The following FAM168A variants were observed in gnomAD, a reference collection of about 807,000 sequenced individuals.
FAM168A encodes the protein family with sequence similarity 168 member A.
A neutral mutation model predicts 28.5 loss-of-function variants in FAM168A; 3 were observed. The observed-to-expected ratio is 0.11, with a 90% CI of 0.05 to 0.27. The LOEUF (loss-of-function observed/expected upper bound fraction) is 0.27, where lower values mean the gene tolerates loss of function less well. FAM168A is among the 10% of genes least tolerant of loss of function. FAM168A has a pLI of 1.00. For synonymous variants in FAM168A, 122 were observed against 124.2 expected (o/e 0.98, Z 0.12); for missense variants, 222 against 311.5 (o/e 0.71, Z 2.16).
At chr11:73,552,518 G>A (rs1365568730) in intron 1 of FAM168A, among the ~76,000 whole-genome samples, 2 of 152,200 alleles carry the variant, frequency 1.3e-5, no homozygotes, top group Non-Finnish European at 1.5e-5. Flanking sequence ...AGTTGTGGTG[G>A]TTGCTACTAT....
intron 2 of FAM168A, among the ~76,000 whole-genome samples, chr11:73,435,038 G>T (rs1333833948): frequency 6.6e-6 from 1 of 152,222 alleles, no homozygotes; most frequent in African/African-American, 2.4e-5. Flanking sequence ...GACTGACAAT[G>T]AAAAGCTGGT....
chr11:73,478,367 G>A lies in FAM168A; in HGVS notation c.-18-9875C>T, dbSNP rs527254087. On this transcript the variant is annotated intron_variant, in intron 1 of 7. Coordinates refer to ENST00000356467, the MANE Select transcript of FAM168A (RefSeq NM_015159.3). ...CTAAGTGGAAGAAGCCAGGGCAAAA[G>A]AACACATATTGCATGATTCCATTTA... 3.3e-5 allele frequency among the ~76,000 whole-genome samples: 5 copies of A among 152,254 alleles called. No homozygotes were observed. In the South Asian group the frequency reaches 6.2e-4, roughly 19 times the overall value.
chr11:73,408,895 C>G (rs1200075496), intron 6 of FAM168A, among the ~76,000 whole-genome samples: 1 of 151,978 alleles, frequency 6.6e-6, no homozygotes, highest in Non-Finnish European at 1.5e-5. Flanking sequence ...AGAACATTGC[C>G]CCTGTGTCTT....
Position 73,459,321 on chromosome 11 carries a change from T to C in FAM168A, c.70+9084A>G, listed in dbSNP as rs538583405. ...TAACACAGTGAAACCCCGTCTCTAC[T>C]GAAAATACAAAAAAATTAGCCGGGC... On this transcript the variant is annotated intron_variant, in intron 2 of 7. Coordinates refer to ENST00000356467, the MANE Select transcript of FAM168A (RefSeq NM_015159.3). Among the ~76,000 whole-genome samples the C allele has an allele frequency of 3.7e-4, 56 of 151,974 alleles. 1 individual carries two copies. In the South Asian group the frequency reaches 0.012, roughly 32 times the overall value.
chr11:73,493,272 G>T (rs574566636), intron 1 of FAM168A, among the ~76,000 whole-genome samples: 2 of 152,158 alleles, frequency 1.3e-5, no homozygotes, highest in South Asian at 4.1e-4. Context: ...TAAAAGAAAG[G>T]CAAGATAACA....
chr11:73,530,422 TA>T (rs1943502640), intron 1 of FAM168A, among the ~76,000 whole-genome samples: 1 of 152,154 alleles, frequency 6.6e-6, no homozygotes, highest in South Asian at 2.1e-4. Flanking sequence ...AAGTAGCAAG[TA>T]GATCAGTGTG....
chr11:73,470,178 G>A (rs543934710), intron 1 of FAM168A, among the ~76,000 whole-genome samples: 1 of 152,184 alleles, frequency 6.6e-6, no homozygotes, highest in Non-Finnish European at 1.5e-5. Flanking sequence ...CCAAAGTGCT[G>A]GGATTACAGT....
chr11:73,580,201 T>C (rs961201485), intron 1 of FAM168A: 4 of 473,454 alleles, frequency 8.4e-6, no homozygotes, highest in African/African-American at 8.0e-5. Context: ...TGTGCTCCGC[T>C]GCATCCCACG....
chr11:73,539,662 C>T (rs1943629706), intron 1 of FAM168A, among the ~76,000 whole-genome samples: 1 of 152,244 alleles, frequency 6.6e-6, no homozygotes, highest in Admixed American at 6.5e-5. Context: ...TCAGCCACTT[C>T]TAAGCCAGGA....
At chr11:73,437,416 T>C (rs981149323) in intron 2 of FAM168A, among the ~76,000 whole-genome samples, 1 of 148,490 alleles carries the variant, frequency 6.7e-6, no homozygotes, top group African/African-American at 2.5e-5. Context: ...TTTTTTTTTT[T>C]TTTTTGAGAC....
intron 2 of FAM168A, among the ~76,000 whole-genome samples, chr11:73,442,040 T>C (rs1380271111): frequency 2.0e-5 from 3 of 152,160 alleles, no homozygotes; most frequent in Non-Finnish European, 4.4e-5. Flanking sequence ...TCCTTTCCTG[T>C]ACTTGATTTA....
chr11:73,482,408 A>G (rs544747851), intron 1 of FAM168A, among the ~76,000 whole-genome samples: 41 of 152,002 alleles, frequency 2.7e-4, no homozygotes, highest in Admixed American at 2.4e-3. Flanking sequence ...ATAAATATAT[A>G]AACTATGTGA....
intron 1 of FAM168A, among the ~76,000 whole-genome samples, chr11:73,493,876 A>G (rs938522716): frequency 6.6e-6 from 1 of 152,258 alleles, no homozygotes; most frequent in Non-Finnish European, 1.5e-5. Context: ...TGTCTCCTAC[A>G]TGAAGCTTCA....
chr11:73,438,018 T>TA (rs906815077), intron 2 of FAM168A, among the ~76,000 whole-genome samples: 1 of 152,108 alleles, frequency 6.6e-6, no homozygotes, highest in Admixed American at 6.6e-5. Flanking sequence ...TTTCCCCAAT[T>TA]AAAAAAAGAT....
intron 1 of FAM168A, among the ~76,000 whole-genome samples, chr11:73,595,646 G>A (rs1944433577): frequency 6.6e-6 from 1 of 151,994 alleles, no homozygotes; most frequent in South Asian, 2.1e-4. Context: ...CATTATCATC[G>A]TTCTGCCCTA....
chr11:73,596,715 A>G (rs1462119146), intron 1 of FAM168A, among the ~76,000 whole-genome samples: 1 of 151,696 alleles, frequency 6.6e-6, no homozygotes, highest in Non-Finnish European at 1.5e-5. Flanking sequence ...TTCACCACCA[A>G]AATAATCCAA....
intron 1 of FAM168A, among the ~76,000 whole-genome samples, chr11:73,496,438 C>A (rs1024386158): frequency 3.3e-5 from 5 of 152,118 alleles, no homozygotes; most frequent in Non-Finnish European, 7.4e-5. Flanking sequence ...TTCAGTTTTG[C>A]AAGATGAAAA....
intron 1 of FAM168A, among the ~76,000 whole-genome samples, chr11:73,469,252 C>T (rs76372654): frequency 0.021 from 3,130 of 152,278 alleles, 115 homozygotes; most frequent in African/African-American, 0.072. Flanking sequence ...TGTCATTAAG[C>T]TCTATTAGCC....
chr11:73,412,729 G>C (rs184110835), intron 4 of FAM168A, among the ~76,000 whole-genome samples: 1,719 of 152,312 alleles, frequency 0.011, 15 homozygotes, highest in Non-Finnish European at 0.018. Flanking sequence ...TTGAAGCCCT[G>C]CTGGGGAGGT....
Sources: allele counts gnomAD v4.1 joint callset (sites outside exome capture counted in the v4.1 genomes callset), GRCh38; gene constraint gnomAD v4.1.1; transcripts MANE v1.5; gene names NCBI Gene and HGNC (gene_info 2026-07-23, HGNC 2026-07-21).